The following CLDN10 variants were observed in gnomAD, a reference collection of about 807,000 sequenced individuals.
CLDN10 encodes claudin 10, also known as claudin-10.
In CLDN10, 15 loss-of-function variants were observed where a neutral mutation model predicts 22.9. The observed-to-expected ratio is 0.65, with a 90% confidence interval of 0.44 to 1.01. The LOEUF is 1.01. Ranked by LOEUF, CLDN10 falls within the 50% of genes least tolerant of loss-of-function variation. The pLI is 0.00. For synonymous variants in CLDN10, 114 were observed against 111.4 expected (o/e 1.02, Z -0.15); for missense variants, 247 against 287.8 (o/e 0.86, Z 1.03).
At chr13:95,486,998 CG>C (rs1166048358) in intron 1 of CLDN10, among the ~76,000 whole-genome samples, 1 of 152,166 alleles carries the variant, frequency 6.6e-6, no homozygotes, top group African/African-American at 2.4e-5. Context: ...GCTGTGCTAT[CG>C]TCTTTGTGTT....
chr13:95,456,128 G>A (rs894635621), intron 1 of CLDN10, among the ~76,000 whole-genome samples: 4 of 152,194 alleles, frequency 2.6e-5, no homozygotes, highest in Non-Finnish European at 5.9e-5. Flanking sequence ...TTTATTTATT[G>A]TGATGCCAGA....
intron 1 of CLDN10, among the ~76,000 whole-genome samples, chr13:95,494,936 A>G (rs1240796408): frequency 6.6e-6 from 1 of 152,102 alleles, no homozygotes; most frequent in East Asian, 1.9e-4. Flanking sequence ...TTAAAAAACT[A>G]ACTGCTTGGT....
Position 95,578,026 on chromosome 13 carries a change from G to C in CLDN10, c.*12G>C. ...ATGCTTATGTCTAAAAGAGCTCGCT[G>C]GCAAGCTGCCTCTTGAGTTTGTTAT... On this transcript the variant is annotated 3_prime_UTR_variant, in exon 5 of 5. Transcript: ENST00000299339. 6.8e-7 allele frequency: 1 copy of C among 1,474,980 alleles called. No homozygotes were observed. The highest frequency in any genetic ancestry group is 9.5e-7 in the Non-Finnish European group (1 of 1,056,954). 91.4% of individuals were successfully genotyped at this position (1,474,980 alleles called of 1,614,324 possible).
chr13:95,520,829 A>G (rs1329634552), intron 1 of CLDN10, among the ~76,000 whole-genome samples: 1 of 152,118 alleles, frequency 6.6e-6, no homozygotes, highest in Non-Finnish European at 1.5e-5. Flanking sequence ...AAAATACAAA[A>G]ATTAGCTGGG....
At chr13:95,516,813 A>G (rs1029669975) in intron 1 of CLDN10, among the ~76,000 whole-genome samples, 1 of 152,110 alleles carries the variant, frequency 6.6e-6, no homozygotes, top group Non-Finnish European at 1.5e-5. Context: ...AAGTTTCTGA[A>G]TTCTTTGCTC....
upstream of CLDN10, among the ~76,000 whole-genome samples, chr13:95,548,506 A>G (rs2043532766): frequency 1.3e-5 from 2 of 152,198 alleles, no homozygotes; most frequent in Non-Finnish European, 2.9e-5. Context: ...ATATATATTT[A>G]TATATGAATG....
At chr13:95,471,381 T>TAA (rs2042629816) in intron 1 of CLDN10, among the ~76,000 whole-genome samples, 1 of 148,864 alleles carries the variant, frequency 6.7e-6, no homozygotes, top group Non-Finnish European at 1.5e-5. Context: ...TGTATATATA[T>TAA]AACATACACA....
At chr13:95,570,856 GTGTATATATATATATA>G (rs1304795608) in intron 3 of CLDN10, among the ~76,000 whole-genome samples, 1 of 36,888 alleles carries the variant, frequency 2.7e-5, no homozygotes, top group African/African-American at 1.4e-4. Context: ...ACATATACGT[GTGTATATATATATATA>G]TATATATATA....
At chr13:95,575,706 T>G (rs181085035) in intron 3 of CLDN10, among the ~76,000 whole-genome samples, 32 of 152,126 alleles carry the variant, frequency 2.1e-4, no homozygotes, top group Admixed American at 1.0e-3. Context: ...CAGTTAGTGC[T>G]CCAGGGCAGG....
At chr13:95,464,929 G>A (rs1170376706) in intron 1 of CLDN10, among the ~76,000 whole-genome samples, 1 of 152,048 alleles carries the variant, frequency 6.6e-6, no homozygotes, top group Non-Finnish European at 1.5e-5. Flanking sequence ...GTTTCACCAT[G>A]TTGCCCAGGC....
chr13:95,503,793 A>G (rs567905356), intron 1 of CLDN10, among the ~76,000 whole-genome samples: 1 of 152,320 alleles, frequency 6.6e-6, no homozygotes, highest in African/African-American at 2.4e-5. Context: ...AGTCAAAATT[A>G]TAGTGGCACA....
chr13:95,495,470 C>T (rs2042918957), intron 1 of CLDN10, among the ~76,000 whole-genome samples: 1 of 151,380 alleles, frequency 6.6e-6, no homozygotes, highest in African/African-American at 2.4e-5. Context: ...CTCGGCCAGG[C>T]GCGGTGGCTC....
intron 1 of CLDN10, among the ~76,000 whole-genome samples, chr13:95,443,636 A>G (rs115151526): frequency 0.012 from 1,756 of 152,304 alleles, 38 homozygotes; most frequent in African/African-American, 0.039. Context: ...GGATTGGCTC[A>G]TTTTAATACT....
At chr13:95,442,783 C>G (rs186237525) in intron 1 of CLDN10, among the ~76,000 whole-genome samples, 28 of 152,262 alleles carry the variant, frequency 1.8e-4, no homozygotes, top group African/African-American at 6.7e-4. Context: ...GATGCAAACT[C>G]GAGCACATTA....
intron 1 of CLDN10, among the ~76,000 whole-genome samples, chr13:95,440,130 T>C (rs1246252720): frequency 6.6e-6 from 1 of 151,810 alleles, no homozygotes. Flanking sequence ...GCCAGGCTGG[T>C]CTCAAACTCC....
chr13:95,472,419 C>A (rs1001358281), intron 1 of CLDN10, among the ~76,000 whole-genome samples: 1 of 152,182 alleles, frequency 6.6e-6, no homozygotes, highest in Non-Finnish European at 1.5e-5. Flanking sequence ...CAGTGGCTCA[C>A]ATCTGTAATT....
intron 1 of CLDN10, among the ~76,000 whole-genome samples, chr13:95,531,176 C>T (rs1256917719): frequency 6.6e-6 from 1 of 152,184 alleles, no homozygotes; most frequent in Non-Finnish European, 1.5e-5. Context: ...CCTCAGCCTC[C>T]CATAGTGCTG....
intron 3 of CLDN10, among the ~76,000 whole-genome samples, chr13:95,573,345 GA>G (rs1237944193): frequency 6.6e-6 from 1 of 152,198 alleles, no homozygotes; most frequent in Non-Finnish European, 1.5e-5. Context: ...CATGGATATG[GA>G]TTGGTCCAGT....
chr13:95,463,395 T>A (rs1343371563), intron 1 of CLDN10, among the ~76,000 whole-genome samples: 1 of 136,548 alleles, frequency 7.3e-6, no homozygotes, highest in Non-Finnish European at 1.6e-5. Flanking sequence ...TTAAGTAGCA[T>A]GATCATGGCT....
Sources: gnomAD v4.1 joint callset for allele counts (sites outside exome capture counted in the v4.1 genomes callset) on GRCh38, gnomAD v4.1.1 for gene constraint, MANE v1.5 for transcripts, NCBI Gene and HGNC (gene_info 2026-07-23, HGNC 2026-07-21) for gene names.